Variants in TRIP12 observed in about 807,000 individuals in gnomAD.
TRIP12 encodes E3 ubiquitin-protein ligase TRIP12.
In TRIP12, 25 loss-of-function variants were observed where a neutral mutation model predicts 244.2. The observed-to-expected ratio is 0.10, with a 90% CI of 0.07 to 0.14. The LOEUF (loss-of-function observed/expected upper bound fraction) is 0.14, where lower values mean the gene tolerates loss of function less well. Among genes scored for constraint, TRIP12 ranks in the 10% least tolerant of loss-of-function variants. TRIP12 has a pLI of 1.00. For synonymous variants in TRIP12, 905 were observed against 873.1 expected (o/e 1.04, Z -0.64); for missense variants, 1,677 against 2,486.4 (o/e 0.67, Z 6.92).
rs765138585 is a variant in TRIP12, at chr2:229,859,499, T to G, written c.300A>C (p.Gln100His). Residue 100 changes from glutamine (Q) to histidine (H), a missense_variant, in exon 4 of 42, where the codon CAA (glutamine) becomes CAC (histidine). This residue lies in a region of TRIP12 where 387 missense variants were observed against 392.6 expected (regional missense o/e 0.99). Coordinates refer to ENST00000675903, the MANE Select transcript of TRIP12 (RefSeq NM_001348323.3). ...CTTTCTTAGGCACCTGCCCCGTTTT[T>G]TGTCTTTCTGAAGTATTGGCTCTGT... is the stretch of plus-strand genomic sequence containing the variant. ...DPDRANTSER[Q>H]KTGQVPKKDN... The G allele has an allele frequency of 1.2e-6, 2 of 1,614,228 alleles. No individual in the cohort carries two copies. Among genetic ancestry groups the G allele is most frequent in the Non-Finnish European group, 1.7e-6 (2 of 1,180,040 alleles).
intron 1 of TRIP12, among the ~76,000 whole-genome samples, chr2:229,917,106 C>T (rs2075568159): frequency 6.6e-6 from 1 of 151,970 alleles, no homozygotes. Flanking sequence ...ACTGGCCGGG[C>T]GCGGTGGCTC....
At position 229,774,277 on chromosome 2, in the gene TRIP12, G is replaced by A. The variant is rs776462328; in HGVS notation, c.5530-16C>T. The stretch of plus-strand genomic sequence containing the variant: ...TCTCTTTGGTCTAAAAAACACAAAT[G>A]GGGGAGAAATGGTGTCAAGCAAAAT... On this transcript the variant is annotated splice_polypyrimidine_tract_variant and intron_variant, in intron 37 of 41. Coordinates refer to ENST00000675903, the MANE Select transcript of TRIP12 (RefSeq NM_001348323.3). The A allele has an allele frequency of 6.3e-7, 1 of 1,592,126 alleles. No individual in the cohort carries two copies. The highest frequency in any genetic ancestry group is 8.5e-7 in the Non-Finnish European group (1 of 1,171,734).
chr2:229,848,766 G>C (rs1034121529), intron 4 of TRIP12, among the ~76,000 whole-genome samples: 1 of 152,076 alleles, frequency 6.6e-6, no homozygotes, highest in African/African-American at 2.4e-5. Context: ...GAATAAATCA[G>C]AACTAGGAAT....
At chr2:229,799,638 G>C (rs975824886) in intron 21 of TRIP12, among the ~76,000 whole-genome samples, 3 of 152,128 alleles carry the variant, frequency 2.0e-5, no homozygotes, top group African/African-American at 7.2e-5. Context: ...AGCCGGGCGT[G>C]GTGGCGGGCG....
At chr2:229,836,776 A>G in intron 6 of TRIP12, 72 bp downstream of exon 6, 823 of 1,316,328 alleles carry the variant, frequency 6.3e-4, no homozygotes, top group Non-Finnish European at 7.8e-4. Flanking sequence ...CACCTAGCAT[A>G]CTTCCCTCCC....
At chr2:229,814,868 T>A (rs1193611143) in intron 11 of TRIP12, among the ~76,000 whole-genome samples, 6 of 152,216 alleles carry the variant, frequency 3.9e-5, no homozygotes, top group Non-Finnish European at 5.9e-5. Context: ...TACTTTAAAG[T>A]TCTTCTCTGA....
chr2:229,787,025 A>C (rs2040261056), intron 33 of TRIP12, among the ~76,000 whole-genome samples: 1 of 152,232 alleles, frequency 6.6e-6, no homozygotes, highest in African/African-American at 2.4e-5. Flanking sequence ...ACACAGATTA[A>C]GTTAGCAATA....
chr2:229,792,610 T>C (rs887419073), intron 27 of TRIP12, among the ~76,000 whole-genome samples: 1 of 152,164 alleles, frequency 6.6e-6, no homozygotes, highest in Non-Finnish European at 1.5e-5. Flanking sequence ...ACGGCAACAA[T>C]CAAAGTTTCA....
intron 4 of TRIP12, among the ~76,000 whole-genome samples, chr2:229,847,563 T>C (rs2057821084): frequency 6.6e-6 from 1 of 152,200 alleles, no homozygotes; most frequent in Non-Finnish European, 1.5e-5. Context: ...TACAATACAA[T>C]TTTAGGAGAT....
intron 1 of TRIP12, among the ~76,000 whole-genome samples, chr2:229,919,430 T>C (rs1378800675): frequency 6.6e-6 from 1 of 151,812 alleles, no homozygotes; most frequent in African/African-American, 2.4e-5. Flanking sequence ...AAAAAAAAGT[T>C]ACAATGGGAA....
At chr2:229,879,161 A>G (rs2064300101) in intron 2 of TRIP12, among the ~76,000 whole-genome samples, 1 of 152,080 alleles carries the variant, frequency 6.6e-6, no homozygotes, top group African/African-American at 2.4e-5. Flanking sequence ...CTGAGGTGGA[A>G]GGATTTTTAA....
rs540236985 is a variant in TRIP12, at chr2:229,802,391, T to C, written c.3067A>G (p.Thr1023Ala). The C allele has an allele frequency of 1.2e-6, 2 of 1,613,936 alleles. No homozygotes were observed. The highest frequency in any genetic ancestry group is 1.7e-6 in the Non-Finnish European group (2 of 1,179,990). ...GATCCCATGGATCCCGATCCATTCGTACATGCCTTTGGTGGACTTGTCAAC... is the reference window on the plus strand; with the variant it reads ...GATCCCATGGATCCCGATCCATTCGCACATGCCTTTGGTGGACTTGTCAAC... ...SLLTSPPKAC[T>A]NGSGSMGSTT... is the part of the protein sequence containing the mutation. The change falls in exon 21 of 42, where the codon ACG becomes GCG. Residue 1023 changes from threonine (T) to alanine (A), a missense_variant. Thr to Ala is a moderately conservative substitution (Grantham distance 58). This residue lies in a region of TRIP12 where 572 missense variants were observed against 867.8 expected (regional missense o/e 0.66). Coordinates refer to ENST00000675903, the MANE Select transcript of TRIP12 (RefSeq NM_001348323.3).
intron 39 of TRIP12, among the ~76,000 whole-genome samples, chr2:229,770,496 A>G (rs1207940589): frequency 6.6e-6 from 1 of 152,234 alleles, no homozygotes; most frequent in African/African-American, 2.4e-5. Context: ...AGATTTAATC[A>G]GTAGTGAACA....
intron 2 of TRIP12, among the ~76,000 whole-genome samples, chr2:229,879,045 G>C (rs2064270560): frequency 6.6e-6 from 1 of 152,050 alleles, no homozygotes; most frequent in South Asian, 2.1e-4. Flanking sequence ...TTGAGGTCAG[G>C]AGTTTGAGAC....
At chr2:229,857,094 T>G (rs188788140) in intron 4 of TRIP12, among the ~76,000 whole-genome samples, 1 of 152,320 alleles carries the variant, frequency 6.6e-6, no homozygotes, top group East Asian at 1.9e-4. Flanking sequence ...GATTCAATTT[T>G]AAGTTAGGCT....
intron 1 of TRIP12, among the ~76,000 whole-genome samples, chr2:229,891,197 G>T (rs1402569373): frequency 6.6e-6 from 1 of 152,000 alleles, no homozygotes; most frequent in Non-Finnish European, 1.5e-5. Flanking sequence ...GAAGCGGTAG[G>T]ATCACTTGAT....
In TRIP12 at chr2:229,814,218, A is replaced by C. The variant is rs748823542; in HGVS notation, c.1824+15T>G. 3 of 1,611,852 alleles carry C rather than the reference A, an allele frequency of 1.9e-6. No homozygotes were observed. Among genetic ancestry groups the C allele is most frequent in the East Asian group, 4.5e-5 (2 of 44,880 alleles). On this transcript the variant is annotated intron_variant, in intron 12 of 41. Transcript: ENST00000675903. ...CATAAAGTGAAATGTAGTCCCCTTC[A>C]GTAACAACACTTACCGCCTGTAGAA...
At position 229,797,796 on chromosome 2, in the gene TRIP12, T is replaced by C. The variant is rs1279948991; in HGVS notation, c.3518A>G (p.His1173Arg). ...ACTGAAATAACGTTCTACAAATTTA[T>C]GTGCCTGCTCCTTAATCCAACCTTT... ...KIKGWIKEQA[H>R]KFVERYFSSE... Residue 1173 changes from histidine to arginine, a missense_variant, in exon 24 of 42, where the codon CAT (histidine) becomes CGT (arginine). Around this residue, in one of 11 missense-constraint regions of TRIP12, gnomAD observed 572 missense variants for 867.8 expected, o/e 0.66. Coordinates refer to ENST00000675903, the MANE Select transcript of TRIP12 (RefSeq NM_001348323.3). 1.2e-6 allele frequency: 2 copies of C among 1,613,962 alleles called. No individual in the cohort carries two copies. The highest frequency in any genetic ancestry group is 1.3e-5 in the African/African-American group (1 of 74,926).
chr2:229,921,405 C>T (rs1242972488), intron 1 of TRIP12: 1 of 152,594 alleles, frequency 6.6e-6, no homozygotes, highest in Non-Finnish European at 1.5e-5. Flanking sequence ...GATTTCCGGG[C>T]CCCTCGTCCC....
Sources: allele counts gnomAD v4.1 joint callset (sites outside exome capture counted in the v4.1 genomes callset), GRCh38; gene constraint gnomAD v4.1.1; regional missense constraint gnomAD v4.1.1; transcripts MANE v1.5; gene names NCBI Gene and HGNC (gene_info 2026-07-23, HGNC 2026-07-21).